The following ACSS1 variants were observed in gnomAD, a reference collection of about 807,000 sequenced individuals.
The protein encoded by ACSS1 is acyl-CoA synthetase short chain family member 1, also known as acetyl-coenzyme A synthetase 2-like, mitochondrial.
In ACSS1, 42 loss-of-function variants were observed where a neutral mutation model predicts 75.3. The observed-to-expected ratio is 0.56, with a 90% CI of 0.44 to 0.72. ACSS1 has a LOEUF of 0.72. ACSS1 is among the 30% of genes least tolerant of loss of function. ACSS1 has a pLI of 0.00. For synonymous variants in ACSS1, 380 were observed against 376.8 expected (o/e 1.01, Z -0.10); for missense variants, 782 against 935.7 (o/e 0.84, Z 2.14).
intron 1 of ACSS1, among the ~76,000 whole-genome samples, chr20:25,053,354 G>A: frequency 6.6e-6 from 1 of 151,502 alleles, no homozygotes; most frequent in Non-Finnish European, 1.5e-5. Flanking sequence ...CATGAGCCAC[G>A]GCGCCTGGCC....
chr20:25,057,870 C>G lies in ACSS1; in HGVS notation c.233G>C (p.Arg78Pro), dbSNP rs1489996525. ...EPAAFWGPLA[R>P]DTLVWDTPYH... ...GGGGGTGTCCCACACGAGAGTGTCCCGCGCCAGAGGCCCCCAGAAGGCGGC... is the reference window on the plus strand; with the variant it reads ...GGGGGTGTCCCACACGAGAGTGTCCGGCGCCAGAGGCCCCCAGAAGGCGGC... Residue 78 changes from arginine (R) to proline (P), a missense_variant, in exon 1 of 14, where the codon CGG becomes CCG. Physicochemically the swap from Arg to Pro is moderately radical, Grantham distance 103. Around this residue, in one of 2 missense-constraint regions of ACSS1, gnomAD observed 377 missense variants for 383.1 expected, o/e 0.98. Transcript: ENST00000323482. 6.2e-7 allele frequency: 1 copy of G among 1,612,632 alleles called. No homozygotes were observed. The highest frequency in any genetic ancestry group is 1.7e-5 in the Admixed American group (1 of 59,980).
chr20:25,027,336 TAGAAA>T lies in ACSS1; in HGVS notation c.631+3418_631+3422del, dbSNP rs1382948505. On this transcript the variant is annotated intron_variant, in intron 3 of 13. Coordinates refer to ENST00000323482, the MANE Select transcript of ACSS1 (RefSeq NM_032501.4). The stretch of plus-strand genomic sequence containing the variant: ...TACTAAAGCCAGACAAAGATTACTA[TAGAAA>T]AGAAAACTACAGACAAATATCTCAT... Among the ~76,000 whole-genome samples, 5 of 152,248 alleles carry T rather than the reference TAGAAA, an allele frequency of 3.3e-5. No homozygotes were observed. In the East Asian group the frequency reaches 7.7e-4, roughly 24 times the overall value.
intron 12 of ACSS1, 67 bp downstream of exon 12, chr20:25,012,534 G>A (rs565218650): frequency 5.0e-5 from 78 of 1,565,472 alleles, no homozygotes; most frequent in Middle Eastern, 3.4e-4. Context: ...TCTGCTCCTC[G>A]TACAGAGGTG....
chr20:25,017,272 AG>A (rs2088535856), intron 7 of ACSS1, among the ~76,000 whole-genome samples: 1 of 152,202 alleles, frequency 6.6e-6, no homozygotes, highest in Non-Finnish European at 1.5e-5. Flanking sequence ...ATACAAATCT[AG>A]GGGGAATGTC....
In ACSS1 at chr20:25,013,524, C is replaced by T. The variant is rs1466241131; in HGVS notation, c.1579+12G>A. 1 of 1,581,426 alleles carries T rather than the reference C, an allele frequency of 6.3e-7. No homozygotes were observed. Among genetic ancestry groups the T allele is most frequent in the Non-Finnish European group, 8.6e-7 (1 of 1,157,974 alleles). ...TGAAAAGGAATGAGAGGGTCCCTGA[C>T]AGCCTGCTCACCTGGGTAGGCCTTG... On this transcript the variant is annotated intron_variant, in intron 10 of 13. Transcript: ENST00000323482.
intron 1 of ACSS1, among the ~76,000 whole-genome samples, chr20:25,054,655 C>T (rs890279715): frequency 3.3e-5 from 5 of 152,240 alleles, no homozygotes; most frequent in African/African-American, 1.2e-4. Context: ...CTGAAGCCAG[C>T]CTGCAAGTTG....
chr20:25,020,908 G>A lies in ACSS1; in HGVS notation c.1108+481C>T, dbSNP rs375682837. ...GCTGTGTGGGAGGACGATGCCCAAG[G>A]GAGCCAGTCATCACCTTGTCTTCAA... On this transcript the variant is annotated intron_variant, in intron 6 of 13. Transcript: ENST00000323482. Among the ~76,000 whole-genome samples, 59 of 152,370 alleles carry A rather than the reference G, an allele frequency of 3.9e-4. No homozygotes were observed. The East Asian group carries it at 4.4e-3, about 11-fold the overall frequency.
intron 3 of ACSS1, among the ~76,000 whole-genome samples, chr20:25,025,035 G>A (rs1345590312): frequency 6.6e-6 from 1 of 152,228 alleles, no homozygotes; most frequent in Non-Finnish European, 1.5e-5. Flanking sequence ...AGCAGGGGTT[G>A]GTCCAGGTAA....
At position 25,012,479 on chromosome 20, in the gene ACSS1, T is replaced by C. The variant is rs113952471; in HGVS notation, c.1771+122A>G. The C allele has an allele frequency of 4.5e-5, 55 of 1,225,638 alleles. 1 individual carries two copies. In the African/African-American group the frequency reaches 6.5e-4, roughly 14 times the overall value. 75.9% of individuals were successfully genotyped at this position (1,225,638 alleles called of 1,614,324 possible). On this transcript the variant is annotated intron_variant, in intron 12 of 13. Transcript: ENST00000323482. ...GTTTCCACTTGAGAGAGAAGAACACTGAGAGCTTGGCCCACAGTATCCCCT... is the reference window on the plus strand; with the variant it reads ...GTTTCCACTTGAGAGAGAAGAACACCGAGAGCTTGGCCCACAGTATCCCCT...
chr20:25,055,790 T>C (rs151139292), intron 1 of ACSS1, among the ~76,000 whole-genome samples: 147 of 152,328 alleles, frequency 9.7e-4, no homozygotes, highest in African/African-American at 3.2e-3. Context: ...CATCTGACTT[T>C]ATCACACACA....
intron 6 of ACSS1, 109 bp from the exon 7 acceptor site, chr20:25,020,256 T>A: frequency 6.8e-7 from 1 of 1,466,434 alleles, no homozygotes; most frequent in Non-Finnish European, 9.4e-7. Context: ...GACGCGCATA[T>A]GTCCATATGA....
intron 1 of ACSS1, among the ~76,000 whole-genome samples, chr20:25,048,740 C>A (rs544200290): frequency 5.9e-5 from 9 of 152,338 alleles, no homozygotes; most frequent in Non-Finnish European, 1.3e-4. Context: ...CAAGAAGTGG[C>A]TCGTGATGGG....
rs117096948 is a variant in ACSS1, at chr20:25,029,438, C to T, written c.631+1321G>A. ...TTAGTGGAAATGTAAAATGGTGCAT[C>T]TCCTTAGCAAAACAGTTTTACAGTT... is the stretch of plus-strand genomic sequence containing the variant. On this transcript the variant is annotated intron_variant, in intron 3 of 13. Transcript: ENST00000323482. Among the ~76,000 whole-genome samples the T allele has an allele frequency of 5.4e-4, 83 of 152,318 alleles. No individual in the cohort carries two copies. In the East Asian group the frequency reaches 0.015, roughly 28 times the overall value.
At chr20:25,024,986 G>T (rs189404546) in intron 3 of ACSS1, among the ~76,000 whole-genome samples, 124 of 152,290 alleles carry the variant, frequency 8.1e-4, no homozygotes, top group African/African-American at 2.5e-3. Flanking sequence ...AAGTCAGTTG[G>T]GTGGAGCCTA....
intron 3 of ACSS1, among the ~76,000 whole-genome samples, chr20:25,026,776 A>G (rs775690245): frequency 6.6e-6 from 1 of 152,212 alleles, no homozygotes; most frequent in Non-Finnish European, 1.5e-5. Context: ...GTCCCCAGGA[A>G]CCTGGTACCT....
At chr20:25,037,929 G>T (rs2088941493) in intron 2 of ACSS1, among the ~76,000 whole-genome samples, 1 of 152,248 alleles carries the variant, frequency 6.6e-6, no homozygotes, top group Non-Finnish European at 1.5e-5. Flanking sequence ...AGAAGACCAG[G>T]AAGTCAGCTA....
intron 2 of ACSS1, among the ~76,000 whole-genome samples, chr20:25,037,005 A>AAGGAAGGAAGGAAGGAAGG (rs1555853780): frequency 0.038 from 4,979 of 131,546 alleles, 147 homozygotes; most frequent in Non-Finnish European, 0.051. Context: ...AAGAAGAAAG[A>AAGGAAGGAAGGAAGGAAGG]AAGGAAGGAA....
At chr20:25,018,270 G>A (rs956405460) in intron 7 of ACSS1, among the ~76,000 whole-genome samples, 16 of 152,174 alleles carry the variant, frequency 1.1e-4, no homozygotes, top group East Asian at 3.8e-4. Flanking sequence ...ACCATGGGAC[G>A]ATGCAGCAAG....
In ACSS1 at chr20:25,006,465, CTTCACAGG is replaced by C. The variant is rs1350684919; in HGVS notation, c.*1289_*1296del. 1.4e-5 allele frequency: 3 copies of C among 208,732 alleles called. No homozygotes were observed. The highest frequency in any genetic ancestry group is 2.0e-5 in the Non-Finnish European group (2 of 102,138). The allele number at this position is 208,732 out of a possible 1,614,324, so 12.9% of individuals were successfully genotyped here. ...CCTGCAGCCAACACCACCTCCTGGG[CTTCACAGG>C]TTCACTCACCCAAGAGGCCAGCACA... is the stretch of plus-strand genomic sequence containing the variant. On this transcript the variant is annotated 3_prime_UTR_variant, in exon 14 of 14. Coordinates refer to ENST00000323482, the MANE Select transcript of ACSS1 (RefSeq NM_032501.4).
Sources: allele counts gnomAD v4.1 joint callset (sites outside exome capture counted in the v4.1 genomes callset), GRCh38; gene constraint gnomAD v4.1.1; regional missense constraint gnomAD v4.1.1; transcripts MANE v1.5; gene names NCBI Gene and HGNC (gene_info 2026-07-23, HGNC 2026-07-21).